The following NOX4 variants were observed in gnomAD, a reference collection of about 807,000 sequenced individuals.
NOX4 encodes the protein kidney oxidase-1.
NOX4 carries 69 observed loss-of-function variants against 87.6 expected under a neutral mutation model. The ratio of observed to expected loss-of-function variants is 0.79; its 90% CI spans 0.65 to 0.96. The LOEUF (loss-of-function observed/expected upper bound fraction) is 0.96, where lower values mean the gene tolerates loss of function less well. NOX4 is among the 40% of genes least tolerant of loss of function. The pLI, the probability that NOX4 is intolerant of heterozygous loss-of-function variation, is 0.00. For missense variants in NOX4, 680 were observed against 681.5 expected, an observed-to-expected ratio of 1.00 and a Z score of 0.02; for synonymous variants, 275 against 238.2, an observed-to-expected ratio of 1.15 and a Z score of -1.42.
At chr11:89,400,116 A>G in intron 10 of NOX4, 37 bp from the exon 11 acceptor site, 2 of 1,578,134 alleles carry the variant, frequency 1.3e-6, no homozygotes, top group Non-Finnish European at 1.7e-6. Context: ...TAAATGACCA[A>G]TTAAGAATTT....
chr11:89,540,586 G>A, the NOX4 span, among the ~76,000 whole-genome samples: 5 of 151,798 alleles, frequency 3.3e-5, no homozygotes, highest in South Asian at 6.3e-4. Flanking sequence ...AGGAGATCCA[G>A]ACCATCCTGG....
intron 12 of NOX4, among the ~76,000 whole-genome samples, chr11:89,368,410 C>T (rs1431116776): frequency 6.6e-6 from 1 of 152,050 alleles, no homozygotes; most frequent in Non-Finnish European, 1.5e-5. Flanking sequence ...TATCACAGTT[C>T]TAAAGGCTGG....
chr11:89,529,227 G>A, the NOX4 span, among the ~76,000 whole-genome samples: 1 of 152,138 alleles, frequency 6.6e-6, no homozygotes, highest in African/African-American at 2.4e-5. Flanking sequence ...GACAACCTCA[G>A]TAAACATTTA....
intron 7 of NOX4, among the ~76,000 whole-genome samples, chr11:89,429,018 C>A (rs571671397): frequency 1.3e-5 from 2 of 152,346 alleles, no homozygotes; most frequent in Admixed American, 1.3e-4. Context: ...ATCTCTCACA[C>A]TACAGTGCAA....
the NOX4 span, chr11:89,546,746 G>C: frequency 6.7e-6 from 1 of 150,182 alleles, no homozygotes; most frequent in Non-Finnish European, 1.5e-5. Flanking sequence ...ATGCACATGA[G>C]AGAGGAAAGA....
At chr11:89,464,678 T>A (rs1945602473) in intron 2 of NOX4, among the ~76,000 whole-genome samples, 1 of 152,190 alleles carries the variant, frequency 6.6e-6, no homozygotes, top group African/African-American at 2.4e-5. Context: ...TTTAATCAGG[T>A]TAGTTGTCAC....
chr11:89,406,597 G>C (rs1283058176), intron 8 of NOX4, among the ~76,000 whole-genome samples: 1 of 152,092 alleles, frequency 6.6e-6, no homozygotes, highest in Non-Finnish European at 1.5e-5. Flanking sequence ...ACAGTCTAGA[G>C]CAGCACTGTC....
the NOX4 span, among the ~76,000 whole-genome samples, chr11:89,565,699 G>T: frequency 6.6e-6 from 1 of 151,154 alleles, no homozygotes; most frequent in Admixed American, 6.6e-5. Context: ...CACAATGTGC[G>T]CATGTACCCT....
At chr11:89,328,854 G>A (rs1945329168) in intron 17 of NOX4, among the ~76,000 whole-genome samples, 1 of 151,956 alleles carries the variant, frequency 6.6e-6, no homozygotes, top group African/African-American at 2.4e-5. Flanking sequence ...GAGACACCAG[G>A]GAAGTGCATG....
At position 89,491,303 on chromosome 11, in the gene NOX4, G is replaced by A. The variant is rs1946845708; in HGVS notation, c.-57C>T. ...CCGCCGGACCGAGAAGGAGCGGGCGGCGGCCGGGGCAGCGGTTACAGTTGT... is the reference window on the plus strand; with the variant it reads ...CCGCCGGACCGAGAAGGAGCGGGCGACGGCCGGGGCAGCGGTTACAGTTGT... On this transcript the variant is annotated 5_prime_UTR_variant, in exon 1 of 18. Coordinates refer to ENST00000263317, the MANE Select transcript of NOX4 (RefSeq NM_016931.5). 6.6e-6 allele frequency: 10 copies of A among 1,525,738 alleles called. No homozygotes were observed. Among genetic ancestry groups the A allele is most frequent in the Non-Finnish European group, 8.9e-6 (10 of 1,118,416 alleles). The allele number at this position is 1,525,738 out of a possible 1,614,324, so 94.5% of individuals were successfully genotyped here. A position where few individuals can be genotyped will look rare whatever the true frequency, so the allele number is the denominator to read the frequency against.
intron 11 of NOX4, among the ~76,000 whole-genome samples, chr11:89,373,966 AATAACTCT>A (rs1213499604): frequency 2.0e-5 from 3 of 152,004 alleles, no homozygotes; most frequent in Non-Finnish European, 4.4e-5. Context: ...CTCCTACAGA[AATAACTCT>A]ATTTCATTCC....
the NOX4 span, among the ~76,000 whole-genome samples, chr11:89,512,931 C>A: frequency 6.6e-6 from 1 of 152,206 alleles, no homozygotes; most frequent in Admixed American, 6.5e-5. Flanking sequence ...TAGCAGAGTT[C>A]TGAGAACATA....
chr11:89,325,112 A>ATTTTTTTTTT lies in NOX4; in HGVS notation c.*1643_*1644insAAAAAAAAAA, dbSNP rs1590923384. The ATTTTTTTTTT allele has an allele frequency of 3.4e-4, 24 of 71,218 alleles. No homozygotes were observed. Among genetic ancestry groups the ATTTTTTTTTT allele is most frequent in the South Asian group, 1.1e-3 (3 of 2,714 alleles). 4.4% of individuals were successfully genotyped at this position (71,218 alleles called of 1,614,324 possible). On this transcript the variant is annotated 3_prime_UTR_variant, in exon 18 of 18. Transcript: ENST00000263317. ...ATCACTAAACTGTATGAATGCTTTAATTCTTTTTTTTTTTTTTTTTTTTTT... is the reference window on the plus strand; with the variant it reads ...ATCACTAAACTGTATGAATGCTTTAATTTTTTTTTTTTCTTTTTTTTTTTTTTTTTTTTTT...
intron 12 of NOX4, among the ~76,000 whole-genome samples, chr11:89,357,545 T>A (rs1938165546): frequency 6.6e-6 from 1 of 152,158 alleles, no homozygotes; most frequent in African/African-American, 2.4e-5. Context: ...TAATGCTCTA[T>A]CTTTTCAATT....
intron 7 of NOX4, among the ~76,000 whole-genome samples, chr11:89,423,856 C>A (rs1209578873): frequency 5.3e-5 from 8 of 151,770 alleles, no homozygotes. Context: ...GAGTCTGAGA[C>A]CAGCCTGGAA....
intron 11 of NOX4, among the ~76,000 whole-genome samples, chr11:89,394,149 C>T (rs1941313138): frequency 6.6e-6 from 1 of 152,076 alleles, no homozygotes; most frequent in African/African-American, 2.4e-5. Context: ...GGGCCTAGGC[C>T]TGCTGAAAGA....
intron 11 of NOX4, among the ~76,000 whole-genome samples, chr11:89,380,084 G>A (rs1366906314): frequency 6.6e-6 from 1 of 152,168 alleles, no homozygotes; most frequent in African/African-American, 2.4e-5. Flanking sequence ...TCTGGGCTAG[G>A]AATATAAACT....
intron 7 of NOX4, among the ~76,000 whole-genome samples, chr11:89,425,413 A>C (rs1469791762): frequency 2.0e-5 from 3 of 151,098 alleles, no homozygotes; most frequent in Non-Finnish European, 4.4e-5. Flanking sequence ...AAATACCAAA[A>C]AAAAAAAAAA....
chr11:89,489,047 T>C (rs1194648718), intron 2 of NOX4: 1 of 697,246 alleles, frequency 1.4e-6, no homozygotes, highest in Non-Finnish European at 2.6e-6. Flanking sequence ...TTACAGACTA[T>C]TTTTTTCAAC....
Sources: gnomAD v4.1 joint callset for allele counts (sites outside exome capture counted in the v4.1 genomes callset) on GRCh38, gnomAD v4.1.1 for gene constraint, MANE v1.5 for transcripts, NCBI Gene and HGNC (gene_info 2026-07-23, HGNC 2026-07-21) for gene names.